VRK2: variants seen among roughly 807,000 people sequenced by gnomAD.
VRK2 encodes the protein serine/threonine-protein kinase VRK2.
VRK2 carries 60 observed loss-of-function variants against 57.6 expected under a neutral mutation model. The ratio of observed to expected loss-of-function variants is 1.04; its 90% confidence interval spans 0.85 to 1.29. The LOEUF (loss-of-function observed/expected upper bound fraction) is 1.29, where lower values mean the gene tolerates loss of function less well. Ranked by LOEUF, VRK2 falls within the 50% of genes most tolerant of loss-of-function variation. The pLI, the probability that VRK2 is intolerant of heterozygous loss-of-function variation, is 0.00. For missense variants in VRK2, 705 were observed against 588.1 expected (o/e 1.20, Z -2.06); for synonymous variants, 231 against 199.2 (o/e 1.16, Z -1.35).
At chr2:58,025,178 A>T (rs1673886832) in intron 1 of VRK2, among the ~76,000 whole-genome samples, 1 of 152,084 alleles carries the variant, frequency 6.6e-6, no homozygotes, top group African/African-American at 2.4e-5. Context: ...TTATTCCAAG[A>T]TATGTGACCT....
intron 2 of VRK2, among the ~76,000 whole-genome samples, chr2:58,067,437 TAA>T (rs1272890804): frequency 6.6e-6 from 1 of 152,182 alleles, no homozygotes; most frequent in Non-Finnish European, 1.5e-5. Context: ...ATAGAATTGT[TAA>T]TATTTATTAT....
At chr2:57,935,464 G>C (rs1458734739) in intron 1 of VRK2, among the ~76,000 whole-genome samples, 1 of 152,090 alleles carries the variant, frequency 6.6e-6, no homozygotes, top group Non-Finnish European at 1.5e-5. Flanking sequence ...ATTCAGTAGG[G>C]TCAAATCATC....
Position 58,139,663 on chromosome 2 carries a change from C to G in VRK2, c.857-3C>G. 2.5e-6 allele frequency: 4 copies of G among 1,606,516 alleles called. No individual in the cohort carries two copies. The highest frequency in any genetic ancestry group is 2.5e-6 in the Non-Finnish European group (3 of 1,177,028). On this transcript the variant is annotated splice_polypyrimidine_tract_variant and splice_region_variant and intron_variant, in intron 10 of 12. Coordinates refer to ENST00000340157, the MANE Select transcript of VRK2 (RefSeq NM_006296.7). The stretch of plus-strand genomic sequence containing the variant: ...GACATGTAAAAAATTTAATAATTCA[C>G]AGGTGAAATAGCCCAATTTTTGGTA...
intron 2 of VRK2, among the ~76,000 whole-genome samples, chr2:58,073,869 A>C (rs949529086): frequency 4.6e-5 from 7 of 151,976 alleles, no homozygotes; most frequent in African/African-American, 1.7e-4. Flanking sequence ...AAGACAGTCT[A>C]ATCTTTTCAC....
intron 1 of VRK2, among the ~76,000 whole-genome samples, chr2:57,951,189 C>T (rs779917822): frequency 2.0e-5 from 3 of 152,044 alleles, no homozygotes; most frequent in Non-Finnish European, 4.4e-5. Context: ...TTGATCCAAT[C>T]CTCATTAATG....
intron 1 of VRK2, among the ~76,000 whole-genome samples, chr2:57,929,455 G>C (rs1422471057): frequency 6.6e-6 from 1 of 152,144 alleles, no homozygotes; most frequent in Non-Finnish European, 1.5e-5. Context: ...CTTAAGGAAA[G>C]TGGGGTTCCC....
chr2:58,017,931 T>G (rs1673635878), intron 1 of VRK2: 1 of 152,232 alleles, frequency 6.6e-6, no homozygotes, highest in South Asian at 2.1e-4. Context: ...TACTGCATCA[T>G]AATAGAGACA....
rs73942254 is a variant in VRK2, at chr2:57,954,777, T to C, written c.-439+46938T>C. ...ATGGAACTTGAAATGTATCTCAATA[T>C]GTAAGGGTGAATTTATCATCACTAC... is the stretch of plus-strand genomic sequence containing the variant. On this transcript the variant is annotated intron_variant, in intron 1 of 15. Coordinates refer to the VRK2 transcript ENST00000417641. 4.8e-3 allele frequency among the ~76,000 whole-genome samples: 735 copies of C among 152,116 alleles called. 7 individuals are homozygous for C. Among genetic ancestry groups the C allele is most frequent in the African/African-American group, 0.017 (716 of 41,530 alleles).
chr2:57,931,441 T>A (rs1246337607), intron 1 of VRK2, among the ~76,000 whole-genome samples: 1 of 152,162 alleles, frequency 6.6e-6, no homozygotes, highest in Admixed American at 6.6e-5. Context: ...TCTATTCAGA[T>A]CCTTTGCCCA....
chr2:58,048,797 A>G, intron 1 of VRK2, 30 bp from the exon 2 acceptor site: 2 of 1,601,432 alleles, frequency 1.2e-6, no homozygotes, highest in Non-Finnish European at 1.7e-6. Flanking sequence ...TTTTCTTTTT[A>G]CCCATTTATC....
At chr2:58,015,802 C>T (rs1254763215) in intron 1 of VRK2, among the ~76,000 whole-genome samples, 1 of 151,954 alleles carries the variant, frequency 6.6e-6, no homozygotes, top group African/African-American at 2.4e-5. Flanking sequence ...AAACATGTTG[C>T]CCTCAAATGT....
intron 1 of VRK2, among the ~76,000 whole-genome samples, chr2:57,935,240 T>A (rs1220052950): frequency 2.0e-5 from 3 of 152,286 alleles, no homozygotes; most frequent in Middle Eastern, 3.4e-3. Flanking sequence ...AATGCCTTCA[T>A]CAGTCAGCCC....
intron 2 of VRK2, among the ~76,000 whole-genome samples, chr2:58,063,367 C>T (rs1225644004): frequency 1.3e-5 from 2 of 150,976 alleles, no homozygotes; most frequent in Non-Finnish European, 2.9e-5. Context: ...GGAATGAATT[C>T]AGTGTTTGAT....
At chr2:58,107,571 TAAG>T (rs1187346726) in intron 7 of VRK2, among the ~76,000 whole-genome samples, 1 of 152,186 alleles carries the variant, frequency 6.6e-6, no homozygotes, top group East Asian at 1.9e-4. Flanking sequence ...GTGTGCTAAT[TAAG>T]AAGATTTAAT....
chr2:58,020,640 T>C (rs1365341743), intron 1 of VRK2, among the ~76,000 whole-genome samples: 1 of 152,274 alleles, frequency 6.6e-6, no homozygotes, highest in Non-Finnish European at 1.5e-5. Flanking sequence ...TAAATATGAA[T>C]GTCTCCAGAC....
At chr2:57,985,064 T>C (rs894248694) in intron 1 of VRK2, among the ~76,000 whole-genome samples, 16 of 152,028 alleles carry the variant, frequency 1.1e-4, no homozygotes, top group African/African-American at 3.9e-4. Context: ...ATTTGAGGCA[T>C]TTCATAAAAA....
At chr2:57,971,524 T>C (rs1028009624) in intron 1 of VRK2, among the ~76,000 whole-genome samples, 2 of 151,950 alleles carry the variant, frequency 1.3e-5, no homozygotes, top group South Asian at 4.1e-4. Context: ...GGATAAGATG[T>C]CTCAGGACTG....
chr2:58,110,427 A>G (rs1191270503), intron 7 of VRK2, among the ~76,000 whole-genome samples: 1 of 152,240 alleles, frequency 6.6e-6, no homozygotes, highest in East Asian at 1.9e-4. Flanking sequence ...CAAAAAGGGA[A>G]TGAAGCATGG....
intron 1 of VRK2, among the ~76,000 whole-genome samples, chr2:57,941,848 A>G (rs1378766003): frequency 6.6e-6 from 1 of 152,224 alleles, no homozygotes. Context: ...CCAAGAGTGT[A>G]TATGTGAATT....
Sources: gnomAD v4.1 joint callset for allele counts (sites outside exome capture counted in the v4.1 genomes callset) on GRCh38, gnomAD v4.1.1 for gene constraint, MANE v1.5 for transcripts, NCBI Gene and HGNC (gene_info 2026-07-23, HGNC 2026-07-21) for gene names.